The following CCDC178 variants were observed in gnomAD, a reference collection of about 807,000 sequenced individuals.
The protein encoded by CCDC178 is coiled-coil domain-containing protein 178.
Under a neutral mutation model 117.4 loss-of-function variants are expected in CCDC178, and 126 were observed. The ratio of observed to expected loss-of-function variants is 1.07; its 90% confidence interval spans 0.93 to 1.24. The LOEUF (loss-of-function observed/expected upper bound fraction) is 1.24. Among genes scored for constraint, CCDC178 ranks in the 50% most tolerant of loss-of-function variants. CCDC178 has a pLI of 0.00. For missense variants in CCDC178, 1,030 were observed against 986.9 expected, an observed-to-expected ratio of 1.04 and a Z score of -0.59; for synonymous variants, 283 against 313.4, an observed-to-expected ratio of 0.90 and a Z score of 1.02.
At chr18:33,072,563 A>G (rs1195681192) in intron 21 of CCDC178, among the ~76,000 whole-genome samples, 1 of 152,210 alleles carries the variant, frequency 6.6e-6, no homozygotes, top group African/African-American at 2.4e-5. Flanking sequence ...GCCAGGATTC[A>G]AACTTGATGT....
intron 5 of CCDC178, among the ~76,000 whole-genome samples, chr18:33,372,932 C>T (rs568727311): frequency 1.1e-4 from 16 of 152,248 alleles, no homozygotes; most frequent in African/African-American, 3.4e-4. Flanking sequence ...CAACTCAGAA[C>T]GCTTAGGAAA....
At chr18:33,052,506 T>C (rs563118553) in intron 21 of CCDC178, among the ~76,000 whole-genome samples, 52 of 152,292 alleles carry the variant, frequency 3.4e-4, no homozygotes, top group African/African-American at 1.2e-3. Flanking sequence ...CTACACTTTG[T>C]ATGGATTTGT....
At chr18:33,118,197 C>A (rs2057886489) in intron 20 of CCDC178, among the ~76,000 whole-genome samples, 2 of 152,024 alleles carry the variant, frequency 1.3e-5, no homozygotes, top group South Asian at 2.1e-4. Flanking sequence ...GTGGAATGGC[C>A]TTTTGAGCAC....
chr18:33,296,844 G>A (rs1163860057), intron 11 of CCDC178, among the ~76,000 whole-genome samples: 1 of 152,076 alleles, frequency 6.6e-6, no homozygotes, highest in Non-Finnish European at 1.5e-5. Context: ...CTGGCTCATG[G>A]TGAAACTCTG....
At chr18:32,997,019 A>C (rs904441631) in intron 21 of CCDC178, among the ~76,000 whole-genome samples, 2 of 151,978 alleles carry the variant, frequency 1.3e-5, no homozygotes, top group African/African-American at 2.4e-5. Flanking sequence ...TACACAGCTC[A>C]CCCTCCCCCT....
intron 11 of CCDC178, among the ~76,000 whole-genome samples, chr18:33,296,390 A>AACAC (rs145798701): frequency 6.6e-6 from 1 of 151,742 alleles, no homozygotes; most frequent in Non-Finnish European, 1.5e-5. Flanking sequence ...TATAATAATA[A>AACAC]ACACACACAC....
At chr18:33,069,109 C>T (rs1033213384) in intron 21 of CCDC178, among the ~76,000 whole-genome samples, 4 of 152,000 alleles carry the variant, frequency 2.6e-5, no homozygotes, top group African/African-American at 9.7e-5. Flanking sequence ...GACTATACTG[C>T]CCAAAGCAAT....
At chr18:33,114,974 T>C (rs2057834754) in intron 20 of CCDC178, among the ~76,000 whole-genome samples, 3 of 152,072 alleles carry the variant, frequency 2.0e-5, no homozygotes, top group African/African-American at 7.2e-5. Flanking sequence ...TTGGATTGCA[T>C]GGTTCTGGGG....
At chr18:33,087,187 A>C (rs2057392490) in intron 21 of CCDC178, among the ~76,000 whole-genome samples, 1 of 152,186 alleles carries the variant, frequency 6.6e-6, no homozygotes, top group East Asian at 1.9e-4. Flanking sequence ...ATAAAATCTC[A>C]AAACTGCATG....
intron 22 of CCDC178, among the ~76,000 whole-genome samples, chr18:32,968,448 G>T (rs2144678853): frequency 6.6e-6 from 1 of 152,056 alleles, no homozygotes; most frequent in East Asian, 1.9e-4. Flanking sequence ...GAATAGTGCT[G>T]CAATGAACAT....
intron 11 of CCDC178, among the ~76,000 whole-genome samples, chr18:33,304,864 G>A (rs527851788): frequency 4.6e-5 from 7 of 152,262 alleles, no homozygotes; most frequent in Admixed American, 2.0e-4. Flanking sequence ...GGAAGGCAGC[G>A]CTCAAGTTCA....
At chr18:33,380,027 TC>T (rs2063421473) in intron 5 of CCDC178, among the ~76,000 whole-genome samples, 1 of 152,118 alleles carries the variant, frequency 6.6e-6, no homozygotes, top group African/African-American at 2.4e-5. Context: ...AGGCTGCTGG[TC>T]CAGGTAAGTG....
chr18:33,279,210 T>C (rs1397466010), intron 12 of CCDC178, among the ~76,000 whole-genome samples: 1 of 152,190 alleles, frequency 6.6e-6, no homozygotes, highest in Non-Finnish European at 1.5e-5. Context: ...AAAACCCCAC[T>C]GTCTCAGCCC....
chr18:33,212,064 A>G lies in CCDC178; in HGVS notation c.2079-9T>C. 6.4e-7 allele frequency: 1 copy of G among 1,556,316 alleles called. No homozygotes were observed. The highest frequency in any genetic ancestry group is 1.2e-5 in the South Asian group (1 of 82,010). The stretch of plus-strand genomic sequence containing the variant: ...TAGTTATAAATTTGTTCCTGTGAAG[A>G]AAGAATTCCATGTGCCACTAATCAA... On this transcript the variant is annotated splice_polypyrimidine_tract_variant and intron_variant, in intron 19 of 22. Coordinates refer to ENST00000383096, the MANE Select transcript of CCDC178 (RefSeq NM_001105528.4).
At chr18:33,249,413 A>C (rs958676459) in intron 14 of CCDC178, among the ~76,000 whole-genome samples, 42 of 152,122 alleles carry the variant, frequency 2.8e-4, no homozygotes, top group African/African-American at 9.9e-4. Context: ...CTAACATTTA[A>C]GTCTTTAATC....
At chr18:33,082,297 T>G (rs2057310051) in intron 21 of CCDC178, among the ~76,000 whole-genome samples, 1 of 151,856 alleles carries the variant, frequency 6.6e-6, no homozygotes, top group South Asian at 2.1e-4. Context: ...ATAGTGAAAC[T>G]CCATCTCTAC....
chr18:33,265,234 C>T (rs577310522), intron 14 of CCDC178, among the ~76,000 whole-genome samples: 3 of 151,890 alleles, frequency 2.0e-5, no homozygotes, highest in African/African-American at 7.2e-5. Flanking sequence ...GTATCATGGT[C>T]ATTTTTTCCT....
At chr18:33,178,074 T>C (rs1042902055) in intron 20 of CCDC178, among the ~76,000 whole-genome samples, 1 of 152,118 alleles carries the variant, frequency 6.6e-6, no homozygotes, top group Non-Finnish European at 1.5e-5. Flanking sequence ...TTCAATGCAA[T>C]ATTTGTCCCT....
intron 22 of CCDC178, among the ~76,000 whole-genome samples, chr18:32,948,455 T>C (rs1011985619): frequency 6.6e-6 from 1 of 152,138 alleles, no homozygotes; most frequent in Non-Finnish European, 1.5e-5. Context: ...GGCATTGTCT[T>C]CTTAGTTTCA....
Sources: allele counts gnomAD v4.1 joint callset (sites outside exome capture counted in the v4.1 genomes callset), GRCh38; gene constraint gnomAD v4.1.1; transcripts MANE v1.5; gene names NCBI Gene and HGNC (gene_info 2026-07-23, HGNC 2026-07-21).